Variants in KCNIP3 observed in about 807,000 individuals in gnomAD.
KCNIP3 encodes potassium voltage-gated channel interacting protein 3.
A neutral mutation model predicts 35.0 loss-of-function variants in KCNIP3; 28 were observed. The observed-to-expected ratio is 0.80, with a 90% CI of 0.59 to 1.10. The LOEUF (loss-of-function observed/expected upper bound fraction) is 1.10, where lower values mean the gene tolerates loss of function less well. Among genes scored for constraint, KCNIP3 ranks in the 50% least tolerant of loss-of-function variants. The pLI is 0.00. For synonymous variants in KCNIP3, 134 were observed against 133.8 expected (o/e 1.00, Z -0.01); for missense variants, 295 against 338.4 (o/e 0.87, Z 1.01).
chr2:95,334,147 G>A (rs1678999540), intron 2 of KCNIP3, among the ~76,000 whole-genome samples: 1 of 152,250 alleles, frequency 6.6e-6, no homozygotes, highest in Non-Finnish European at 1.5e-5. Context: ...AAAACATGAG[G>A]ATTGATGACC....
intron 2 of KCNIP3, among the ~76,000 whole-genome samples, chr2:95,317,892 G>A (rs977545325): frequency 1.3e-5 from 2 of 152,190 alleles, no homozygotes; most frequent in Non-Finnish European, 2.9e-5. Context: ...TGCCAGCATG[G>A]CTGTGGGAAG....
At chr2:95,312,734 T>C (rs1033421811) in intron 2 of KCNIP3, 3 of 151,262 alleles carry the variant, frequency 2.0e-5, no homozygotes, top group African/African-American at 7.3e-5. Flanking sequence ...GAAGCGGGGG[T>C]TGGGGTGGGG....
intron 2 of KCNIP3, among the ~76,000 whole-genome samples, chr2:95,362,934 A>T (rs1323640050): frequency 6.6e-6 from 1 of 152,164 alleles, no homozygotes; most frequent in African/African-American, 2.4e-5. Context: ...TTCTCATGCT[A>T]ATTTACGTGT....
chr2:95,330,380 G>A (rs1418214672), intron 2 of KCNIP3, among the ~76,000 whole-genome samples: 9 of 152,174 alleles, frequency 5.9e-5, no homozygotes, highest in Non-Finnish European at 1.3e-4. Flanking sequence ...GGCCTCTGAG[G>A]GCCATCCCAT....
At chr2:95,339,133 G>C (rs780918751) in intron 2 of KCNIP3, among the ~76,000 whole-genome samples, 8 of 152,210 alleles carry the variant, frequency 5.3e-5, no homozygotes, top group Non-Finnish European at 1.2e-4. Context: ...GGAGCTGGGA[G>C]TTAGTGCAGA....
At chr2:95,328,218 C>A (rs1323582550) in intron 2 of KCNIP3, among the ~76,000 whole-genome samples, 1 of 152,188 alleles carries the variant, frequency 6.6e-6, no homozygotes, top group Non-Finnish European at 1.5e-5. Flanking sequence ...GCACACTCTC[C>A]CCCCTCCCCC....
At chr2:95,327,278 AGGACCTCATT>A (rs1678817015) in intron 2 of KCNIP3, among the ~76,000 whole-genome samples, 1 of 152,170 alleles carries the variant, frequency 6.6e-6, no homozygotes, top group South Asian at 2.1e-4. Flanking sequence ...TCCCATCCCC[AGGACCTCATT>A]GTCCCCTTGC....
At chr2:95,347,121 A>C in intron 2 of KCNIP3, 1 of 1,608,358 alleles carries the variant, frequency 6.2e-7, no homozygotes, top group Non-Finnish European at 8.5e-7. Flanking sequence ...TATCCATGGA[A>C]GGTAACGCGT....
intron 2 of KCNIP3, chr2:95,310,760 A>G (rs1450572784): frequency 7.4e-6 from 4 of 537,382 alleles, no homozygotes; most frequent in Non-Finnish European, 1.3e-5. Context: ...AGCTGGGACC[A>G]CACTGCGGTT....
intron 2 of KCNIP3, among the ~76,000 whole-genome samples, chr2:95,338,224 G>A (rs1247606534): frequency 3.9e-5 from 6 of 152,188 alleles, no homozygotes; most frequent in Admixed American, 1.3e-4. Flanking sequence ...GTGGACACTT[G>A]GGCACATCTC....
intron 5 of KCNIP3, among the ~76,000 whole-genome samples, 173 bp from the exon 6 acceptor site, chr2:95,381,423 G>A (rs1248703858): frequency 6.6e-6 from 1 of 152,144 alleles, no homozygotes; most frequent in East Asian, 1.9e-4. Context: ...CCGTGCATGC[G>A]CTCACACACG....
chr2:95,356,216 T>G (rs1353635752), intron 2 of KCNIP3, among the ~76,000 whole-genome samples: 2 of 152,184 alleles, frequency 1.3e-5, no homozygotes, highest in Non-Finnish European at 2.9e-5. Flanking sequence ...TCTTGTAAAT[T>G]TGTTTGGGTT....
chr2:95,371,654 C>A (rs1680044666), intron 2 of KCNIP3, among the ~76,000 whole-genome samples: 1 of 152,098 alleles, frequency 6.6e-6, no homozygotes, highest in Non-Finnish European at 1.5e-5. Flanking sequence ...TTGTTTCTCT[C>A]TTTAGTTCTG....
chr2:95,382,698 TG>T lies in KCNIP3; in HGVS notation c.660+221del, dbSNP rs1278500601. Among the ~76,000 whole-genome samples the T allele has an allele frequency of 6.6e-6, 1 of 152,210 alleles. No homozygotes were observed. The highest frequency in any genetic ancestry group is 1.5e-5 in the Non-Finnish European group (1 of 68,028). On this transcript the variant is annotated intron_variant, in intron 7 of 8. Transcript: ENST00000295225. This position sits in a 1 kb window ranked among gnomAD's most constrained non-coding sequence, Gnocchi z 4.5. ...GTGGACCTCATCTGGGGGCCAGAGC[TG>T]GGGATCCTGAGGCAGCTGACCCTGG... is the stretch of plus-strand genomic sequence containing the variant.
intron 1 of KCNIP3, among the ~76,000 whole-genome samples, chr2:95,304,100 C>G (rs1460151371): frequency 1.3e-5 from 2 of 152,246 alleles, no homozygotes; most frequent in Non-Finnish European, 1.5e-5. Flanking sequence ...CGCCGTCACT[C>G]AGACTTGAGG....
chr2:95,310,458 A>G lies in KCNIP3; in HGVS notation c.119A>G (p.Gln40Arg). The G allele has an allele frequency of 6.4e-7, 1 of 1,569,012 alleles. No individual in the cohort carries two copies. ...IKWQRPRLSR[Q>R]ALMRCCLVKW... Reference sequence around the variant, plus strand: ...TGGCAGAGGCCGAGGCTCAGCCGCCAGGCTTTGATGAGATGCTGCCTGGTC... The same window carrying G: ...TGGCAGAGGCCGAGGCTCAGCCGCCGGGCTTTGATGAGATGCTGCCTGGTC... The change falls in exon 2 of 9, where the codon CAG (glutamine) becomes CGG (arginine). Residue 40 changes from glutamine to arginine, a missense_variant. Transcript: ENST00000295225.
intron 2 of KCNIP3, among the ~76,000 whole-genome samples, chr2:95,373,285 T>C (rs1220756235): frequency 6.6e-6 from 1 of 152,174 alleles, no homozygotes; most frequent in Non-Finnish European, 1.5e-5. Context: ...TTTTGCATTG[T>C]AAAAGTGATG....
chr2:95,383,893 C>G, intron 8 of KCNIP3, 109 bp from the exon 9 acceptor site: 1 of 934,388 alleles, frequency 1.1e-6, no homozygotes, highest in Non-Finnish European at 1.8e-6. Flanking sequence ...ATAAGACAGA[C>G]AGACAGGCAG....
intron 2 of KCNIP3, among the ~76,000 whole-genome samples, chr2:95,363,611 C>T (rs1323063901): frequency 6.6e-6 from 1 of 151,488 alleles, no homozygotes; most frequent in Non-Finnish European, 1.5e-5. Context: ...ATCAAGCTTT[C>T]CAAAAAAAAA....
Sources: allele counts gnomAD v4.1 joint callset (sites outside exome capture counted in the v4.1 genomes callset), GRCh38; gene constraint gnomAD v4.1.1; non-coding constraint Gnocchi (gnomAD v3.1); transcripts MANE v1.5; gene names NCBI Gene and HGNC (gene_info 2026-07-23, HGNC 2026-07-21).